Variants in VPS26B observed in about 807,000 individuals in gnomAD.
VPS26B encodes the protein vacuolar protein sorting-associated protein 26B.
Under a neutral mutation model 33.3 loss-of-function variants are expected in VPS26B, and 10 were observed. The observed-to-expected ratio is 0.30, with a 90% CI of 0.19 to 0.51. The LOEUF is 0.51. Ranked by LOEUF, VPS26B falls within the 20% of genes least tolerant of loss-of-function variation. The pLI, the probability that VPS26B is intolerant of heterozygous loss-of-function variation, is 0.98. For synonymous variants in VPS26B, 190 were observed against 176.9 expected, an observed-to-expected ratio of 1.07 and a Z score of -0.59; for missense variants, 317 against 452.7, an observed-to-expected ratio of 0.70 and a Z score of 2.72.
Position 134,245,394 on chromosome 11 carries a change from C to A in VPS26B, c.865-50C>A, listed in dbSNP as rs751663476. On this transcript the variant is annotated intron_variant, in intron 5 of 5. Transcript: ENST00000281187. This position sits in a 1 kb window ranked among gnomAD's most constrained non-coding sequence, Gnocchi z 4.7. ...AGTTGGGAGCCTCTAGGAAACCTGTCCCCATGCCTCCCTCTAAGGTGTCAC... is the reference window on the plus strand; with the variant it reads ...AGTTGGGAGCCTCTAGGAAACCTGTACCCATGCCTCCCTCTAAGGTGTCAC... 20 of 1,606,238 alleles carry A rather than the reference C, an allele frequency of 1.2e-5. No homozygotes were observed. Among genetic ancestry groups the A allele is most frequent in the Middle Eastern group, 3.3e-4 (2 of 6,058 alleles).
intron 2 of VPS26B, among the ~76,000 whole-genome samples, chr11:134,236,184 AAAAC>A (rs1231037132): frequency 6.7e-6 from 1 of 148,824 alleles, no homozygotes; most frequent in Admixed American, 6.6e-5. Context: ...TAAAAGAAAA[AAAAC>A]AAATCTTTGC....
At position 134,245,647 on chromosome 11, in the gene VPS26B, C is replaced by G; in HGVS notation, c.*57C>G. On this transcript the variant is annotated 3_prime_UTR_variant, in exon 6 of 6. Coordinates refer to ENST00000281187, the MANE Select transcript of VPS26B (RefSeq NM_052875.5). This position sits in a 1 kb window ranked among gnomAD's most constrained non-coding sequence, Gnocchi z 4.7. ...ACCCAGCACCCCCATCTACCAACACCAGCGGCTGGGGGCGGGGGCGGACCT... is the reference window on the plus strand; with the variant it reads ...ACCCAGCACCCCCATCTACCAACACGAGCGGCTGGGGGCGGGGGCGGACCT... The G allele has an allele frequency of 1.7e-5, 26 of 1,539,032 alleles. No homozygotes were observed. The highest frequency in any genetic ancestry group is 2.3e-5 in the Non-Finnish European group (26 of 1,142,348).
rs775936180 is a variant in VPS26B at position 134,240,164 on chromosome 11, C to A, written c.545+9C>A. On this transcript the variant is annotated intron_variant, in intron 3 of 5. Coordinates refer to ENST00000281187, the MANE Select transcript of VPS26B (RefSeq NM_052875.5). The surrounding 1 kb of genome is among the most constrained non-coding windows in gnomAD (Gnocchi z 4.4). ...GAGTACAATAAATCCAAGTAAGTGTCTCAGTGCCAAGGTTGTGAAATGATT... is the reference window on the plus strand; with the variant it reads ...GAGTACAATAAATCCAAGTAAGTGTATCAGTGCCAAGGTTGTGAAATGATT... The A allele has an allele frequency of 6.2e-7, 1 of 1,614,006 alleles. No individual in the cohort carries two copies. Among genetic ancestry groups the A allele is most frequent in the Non-Finnish European group, 8.5e-7 (1 of 1,179,932 alleles).
rs1399596501 is a variant in VPS26B, at chr11:134,240,273, G to C, written c.545+118G>C. 1.7e-6 allele frequency: 2 copies of C among 1,208,880 alleles called. No individual in the cohort carries two copies. The highest frequency in any genetic ancestry group is 2.4e-5 in the East Asian group (1 of 41,750). The allele number at this position is 1,208,880 out of a possible 1,614,324, so 74.9% of individuals were successfully genotyped here. A position where few individuals can be genotyped will look rare whatever the true frequency, so the allele number is the denominator to read the frequency against. On this transcript the variant is annotated intron_variant, in intron 3 of 5. Transcript: ENST00000281187. The surrounding 1 kb of genome is among the most constrained non-coding windows in gnomAD (Gnocchi z 4.4). The stretch of plus-strand genomic sequence containing the variant: ...CGACTGCTTTGTGGTGGCATGCGGT[G>C]GGGGAAGACCGTGGGAGCAATCCAG...
In VPS26B at chr11:134,246,658, C is replaced by A. The variant is rs1938831156; in HGVS notation, c.*1068C>A. 1 of 152,476 alleles carries A rather than the reference C, an allele frequency of 6.6e-6. No homozygotes were observed. Among genetic ancestry groups the A allele is most frequent in the African/African-American group, 2.4e-5 (1 of 41,400 alleles). The allele number at this position is 152,476 out of a possible 1,614,324, so 9.4% of individuals were successfully genotyped here. Reference sequence around the variant, plus strand: ...GCCTCGGCAGAAGACTGCTGCCACACTTCCGAATCATTCTGCTTGCCAAAT... The same window carrying A: ...GCCTCGGCAGAAGACTGCTGCCACAATTCCGAATCATTCTGCTTGCCAAAT... On this transcript the variant is annotated 3_prime_UTR_variant, in exon 6 of 6. Transcript: ENST00000281187.
chr11:134,243,014 T>G, intron 3 of VPS26B, 105 bp from the exon 4 acceptor site: 1 of 1,129,756 alleles, frequency 8.9e-7, no homozygotes. Flanking sequence ...GTCCTGCAAC[T>G]GGACGTTTAA....
At chr11:134,225,491 C>T (rs1300005180) in intron 1 of VPS26B, 146 bp downstream of exon 1, 1 of 781,198 alleles carries the variant, frequency 1.3e-6, no homozygotes, top group East Asian at 2.7e-5. Flanking sequence ...CAAGTCCCGC[C>T]CGTGGGCGAC....
intron 3 of VPS26B, among the ~76,000 whole-genome samples, chr11:134,242,481 C>G (rs1034804966): frequency 1.3e-5 from 2 of 152,250 alleles, no homozygotes; most frequent in Non-Finnish European, 2.9e-5. Context: ...TTCTCTCATG[C>G]CTGATACGGG....
At chr11:134,241,338 T>C (rs954412055) in intron 3 of VPS26B, among the ~76,000 whole-genome samples, 14 of 152,292 alleles carry the variant, frequency 9.2e-5, no homozygotes, top group African/African-American at 3.4e-4. Flanking sequence ...CATATATGGT[T>C]CTTGGAACAG....
rs1192433625 is a variant in VPS26B at position 134,225,222 on chromosome 11, AAGG to A, written c.103_105del (p.Glu35del). The A allele has an allele frequency of 1.2e-6, 2 of 1,614,012 alleles. No homozygotes were observed. The highest frequency in any genetic ancestry group is 2.7e-5 in the African/African-American group (2 of 74,940). On this transcript the variant is annotated inframe_deletion, in exon 1 of 6. Coordinates refer to ENST00000281187, the MANE Select transcript of VPS26B (RefSeq NM_052875.5). Reference sequence around the variant, plus strand: ...CGAGCACAAGACGGAGGACGGGAAGAAGGAGAAATATTTCCTCTTCTACGACGG... The same window carrying A: ...CGAGCACAAGACGGAGGACGGGAAGAAGAAATATTTCCTCTTCTACGACGG...
At chr11:134,225,430 G>A in intron 1 of VPS26B, 85 bp downstream of exon 1, 1 of 1,377,198 alleles carries the variant, frequency 7.3e-7, no homozygotes, top group South Asian at 1.2e-5. Flanking sequence ...CCTCCGGCGA[G>A]GCCTGTCACA....
intron 2 of VPS26B, among the ~76,000 whole-genome samples, chr11:134,237,496 T>C (rs1331111495): frequency 6.6e-6 from 1 of 152,020 alleles, no homozygotes; most frequent in East Asian, 1.9e-4. Context: ...TAGCAGACAA[T>C]TGGAAGCGCA....
chr11:134,237,671 C>T (rs1289071379), intron 2 of VPS26B, among the ~76,000 whole-genome samples: 1 of 152,096 alleles, frequency 6.6e-6, no homozygotes, highest in Non-Finnish European at 1.5e-5. Context: ...ATCAGGGCAG[C>T]GCCTCTGTGG....
chr11:134,244,766 C>CA lies in VPS26B; in HGVS notation c.722-171dup. 1 of 806,642 alleles carries CA rather than the reference C, an allele frequency of 1.2e-6. No homozygotes were observed. Among genetic ancestry groups the CA allele is most frequent in the South Asian group, 2.0e-5 (1 of 50,426 alleles). The allele number at this position is 806,642 out of a possible 1,614,324, so 50.0% of individuals were successfully genotyped here. On this transcript the variant is annotated intron_variant, in intron 4 of 5. Transcript: ENST00000281187. This position sits in a 1 kb window ranked among gnomAD's most constrained non-coding sequence, Gnocchi z 4.0. ...ATGACCTGGAGTGGAACTGGAGAGT[C>CA]ACATTTTTGTTTCAGCCACCTGCTG...
intron 4 of VPS26B, 104 bp downstream of exon 4, chr11:134,243,398 T>C: frequency 1.5e-6 from 2 of 1,338,226 alleles, no homozygotes; most frequent in East Asian, 2.5e-5. Context: ...TAAGATGTCC[T>C]CTTAACCTGT....
Position 134,225,050 on chromosome 11 carries a change from C to G in VPS26B, c.-73C>G. On this transcript the variant is annotated 5_prime_UTR_variant, in exon 1 of 6. Transcript: ENST00000281187. Reference sequence around the variant, plus strand: ...CTCGCGCATCGGGCCCTCTGGCCTTCTTTACCTAGGGCAGCCCGCGCCCCG... The same window carrying G: ...CTCGCGCATCGGGCCCTCTGGCCTTGTTTACCTAGGGCAGCCCGCGCCCCG... 2.8e-6 allele frequency: 4 copies of G among 1,451,892 alleles called. No homozygotes were observed. Among genetic ancestry groups the G allele is most frequent in the Non-Finnish European group, 3.7e-6 (4 of 1,085,584 alleles). The allele number at this position is 1,451,892 out of a possible 1,614,324, so 89.9% of individuals were successfully genotyped here.
At chr11:134,234,384 G>A (rs1938600905) in intron 1 of VPS26B, among the ~76,000 whole-genome samples, 1 of 152,228 alleles carries the variant, frequency 6.6e-6, no homozygotes, top group Non-Finnish European at 1.5e-5. Flanking sequence ...TCTAGAAGGA[G>A]ACCTGCTCTA....
chr11:134,243,918 T>G (rs1486170575), intron 4 of VPS26B: 2 of 152,310 alleles, frequency 1.3e-5, no homozygotes, highest in Non-Finnish European at 2.9e-5. Flanking sequence ...ACATTCTTCA[T>G]TGGCTCTTTA....
chr11:134,227,915 C>T (rs2136045094), intron 1 of VPS26B, among the ~76,000 whole-genome samples: 1 of 152,346 alleles, frequency 6.6e-6, no homozygotes, highest in East Asian at 1.9e-4. Context: ...GAAGATCGCC[C>T]TGTCTACTGA....
Sources: gnomAD v4.1 joint callset for allele counts (sites outside exome capture counted in the v4.1 genomes callset) on GRCh38, gnomAD v4.1.1 for gene constraint, Gnocchi (gnomAD v3.1) non-coding constraint, MANE v1.5 for transcripts, NCBI Gene and HGNC (gene_info 2026-07-23, HGNC 2026-07-21) for gene names.